The following IPO13 variants were observed in gnomAD, a reference collection of about 807,000 sequenced individuals.
IPO13 encodes importin 13, also known as importin-13.
A neutral mutation model predicts 115.5 loss-of-function variants in IPO13; 28 were observed. The ratio of observed to expected loss-of-function variants is 0.24; its 90% confidence interval spans 0.18 to 0.33. The LOEUF (loss-of-function observed/expected upper bound fraction) is 0.33. IPO13 is among the 10% of genes least tolerant of loss of function. IPO13 has a pLI of 1.00. For missense variants in IPO13, 785 were observed against 1,204.6 expected, an observed-to-expected ratio of 0.65 and a Z score of 5.16; for synonymous variants, 414 against 478.9, an observed-to-expected ratio of 0.86 and a Z score of 1.77.
Position 43,949,792 on chromosome 1 carries a change from G to C in IPO13, c.460G>C (p.Asp154His), listed in dbSNP as rs1271059914. The change falls in exon 2 of 20, where the codon GAC (aspartate) becomes CAC (histidine). Residue 154 changes from aspartate to histidine, a missense_variant. Physicochemically the swap from Asp to His is moderately conservative, Grantham distance 81. Coordinates refer to ENST00000372343, the MANE Select transcript of IPO13 (RefSeq NM_014652.4). The part of the protein sequence containing the change: ...ADMVRLFQAE[D>H]SPVDGQGRCL... ...TATGGTACGACTCTTCCAGGCTGAG[G>C]ACTCACCAGTGGATGGGCAGGGCCG... 6.2e-7 allele frequency: 1 copy of C among 1,614,132 alleles called. No homozygotes were observed. The highest frequency in any genetic ancestry group is 1.7e-5 in the Admixed American group (1 of 60,022).
At chr1:43,947,888 A>G (rs899463785) in intron 1 of IPO13, among the ~76,000 whole-genome samples, 1 of 152,170 alleles carries the variant, frequency 6.6e-6, no homozygotes, top group Admixed American at 6.5e-5. Context: ...TCCCCTGTGG[A>G]TAGATACTCT....
intron 14 of IPO13, among the ~76,000 whole-genome samples, chr1:43,962,909 C>T (rs899120935): frequency 2.6e-5 from 4 of 152,210 alleles, no homozygotes; most frequent in African/African-American, 9.7e-5. Flanking sequence ...CAGAATGAGG[C>T]CAGAATACAG....
rs2085245957 is a variant in IPO13 at position 43,956,119 on chromosome 1, C to G, written c.822-201C>G. Among the ~76,000 whole-genome samples the G allele has an allele frequency of 1.3e-5, 2 of 151,986 alleles. No homozygotes were observed. The highest frequency in any genetic ancestry group is 4.2e-4 in the South Asian group (2 of 4,818). On this transcript the variant is annotated intron_variant, in intron 2 of 19. Transcript: ENST00000372343. This position sits in a 1 kb window ranked among gnomAD's most constrained non-coding sequence, Gnocchi z 4.7. ...CTTCTCATACGTCCTTCTCAGAGTT[C>G]TTCTGGGGGTCCCTGATCTAAGGTT...
Position 43,956,575 on chromosome 1 carries a change from A to G in IPO13, c.978A>G (p.Gln326=). 1 of 1,614,218 alleles carries G rather than the reference A, an allele frequency of 6.2e-7. No homozygotes were observed. The highest frequency in any genetic ancestry group is 8.5e-7 in the Non-Finnish European group (1 of 1,180,040). The part of the protein sequence containing the change: ...GENHSRALLD[Q]VEHWQSFLAL... The stretch of plus-strand genomic sequence containing the variant: ...CTCTCCCCAGGGCCTTGCTGGACCA[A>G]GTAGAGCACTGGCAGAGTTTCCTGG... The change falls in exon 4 of 20, where the codon CAA becomes CAG. Residue 326 remains glutamine, a synonymous_variant. Transcript: ENST00000372343. This position sits in a 1 kb window ranked among gnomAD's most constrained non-coding sequence, Gnocchi z 4.7.
intron 7 of IPO13, 36 bp downstream of exon 7, chr1:43,957,585 G>C: frequency 6.2e-7 from 1 of 1,610,996 alleles, no homozygotes; most frequent in Non-Finnish European, 8.5e-7. Context: ...CATATTCCCA[G>C]AGCCACAGCA....
chr1:43,965,677 G>A (rs1234407601), intron 15 of IPO13, among the ~76,000 whole-genome samples: 2 of 151,552 alleles, frequency 1.3e-5, no homozygotes, highest in African/African-American at 4.9e-5. Flanking sequence ...TGGGGAGAGT[G>A]TGTGTATGTT....
chr1:43,965,407 T>C (rs1366104179), intron 15 of IPO13, among the ~76,000 whole-genome samples: 1 of 151,156 alleles, frequency 6.6e-6, no homozygotes, highest in Non-Finnish European at 1.5e-5. Flanking sequence ...TCCTGGAACT[T>C]ACAAGTCTAG....
rs1459584046 is a variant in IPO13 at position 43,958,968 on chromosome 1, C to T, written c.2028+79C>T. 3.9e-5 allele frequency: 53 copies of T among 1,349,166 alleles called. No homozygotes were observed. The East Asian group carries it at 9.7e-4, about 25-fold the overall frequency. 83.6% of individuals were successfully genotyped at this position (1,349,166 alleles called of 1,614,324 possible). ...CCCACCTGTGGGAATGTCATTGTCACTCTTCAATTCTGTGGGTAATGTTGT... is the reference window on the plus strand; with the variant it reads ...CCCACCTGTGGGAATGTCATTGTCATTCTTCAATTCTGTGGGTAATGTTGT... On this transcript the variant is annotated intron_variant, in intron 11 of 19. Coordinates refer to ENST00000372343, the MANE Select transcript of IPO13 (RefSeq NM_014652.4). This position sits in a 1 kb window ranked among gnomAD's most constrained non-coding sequence, Gnocchi z 6.3.
Position 43,958,950 on chromosome 1 carries a change from G to GGGGGT in IPO13, c.2028+61_2028+62insGGGGT. The stretch of plus-strand genomic sequence containing the variant: ...TTTGCCATCCCCCCAACCCCCACCT[G>GGGGGT]TGGGAATGTCATTGTCACTCTTCAA... On this transcript the variant is annotated intron_variant, in intron 11 of 19. Transcript: ENST00000372343. This position sits in a 1 kb window ranked among gnomAD's most constrained non-coding sequence, Gnocchi z 6.3. 1 of 1,484,624 alleles carries GGGGGT rather than the reference G, an allele frequency of 6.7e-7. No homozygotes were observed. The highest frequency in any genetic ancestry group is 9.3e-7 in the Non-Finnish European group (1 of 1,069,706). 92.0% of individuals were successfully genotyped at this position (1,484,624 alleles called of 1,614,324 possible).
At chr1:43,957,661 C>T (rs1402423076) in intron 7 of IPO13, 112 bp downstream of exon 7, 2 of 1,319,228 alleles carry the variant, frequency 1.5e-6, no homozygotes, top group Non-Finnish European at 1.1e-6. Flanking sequence ...TGCCTACACA[C>T]AATCAGTGTT....
intron 14 of IPO13, among the ~76,000 whole-genome samples, chr1:43,963,344 T>C (rs1329586203): frequency 6.6e-6 from 1 of 152,210 alleles, no homozygotes; most frequent in Admixed American, 6.5e-5. Context: ...CAACATCATA[T>C]ACGTTGGGCT....
Position 43,950,065 on chromosome 1 carries a change from G to C in IPO13, c.733G>C (p.Ala245Pro). Residue 245 changes from alanine (A) to proline (P), a missense_variant, in exon 2 of 20, where the codon GCT (alanine) becomes CCT (proline). Coordinates refer to ENST00000372343, the MANE Select transcript of IPO13 (RefSeq NM_014652.4). ...GCAGGACTGTGAGGCGCTCATTCAG[G>C]CTGCCTTTGCTGCTCTGCAGGACTC... ...PLQDCEALIQAAFAALQDSEL... is the reference protein window; with the variant it reads ...PLQDCEALIQPAFAALQDSEL... 1.9e-6 allele frequency: 3 copies of C among 1,613,854 alleles called. No homozygotes were observed. Among genetic ancestry groups the C allele is most frequent in the South Asian group, 1.1e-5 (1 of 91,066 alleles).
At chr1:43,954,572 C>T (rs548319074) in intron 2 of IPO13, among the ~76,000 whole-genome samples, 7 of 152,252 alleles carry the variant, frequency 4.6e-5, no homozygotes, top group Admixed American at 2.6e-4. Context: ...ATCTGATCCC[C>T]GCTATTAGAG....
Position 43,967,665 on chromosome 1 carries a change from T to C in IPO13, c.2875T>C (p.Tyr959His). ...LLCRGLHGTD[Y>H]TADY The stretch of plus-strand genomic sequence containing the variant: ...GTGCCGGGGTCTCCATGGCACAGAT[T>C]ACACAGCTGACTACTGAGGGGTGCC... Residue 959 changes from tyrosine to histidine, a missense_variant, in exon 20 of 20, where the codon TAC becomes CAC. By Grantham distance (83) the Tyr-to-His change is moderately conservative (BLOSUM62 2). This residue lies in a region of IPO13 where 285 missense variants were observed against 394.8 expected (regional missense o/e 0.72). Coordinates refer to ENST00000372343, the MANE Select transcript of IPO13 (RefSeq NM_014652.4). This position sits in a 1 kb window ranked among gnomAD's most constrained non-coding sequence, Gnocchi z 6.1. 6.2e-7 allele frequency: 1 copy of C among 1,614,146 alleles called. No homozygotes were observed.
At position 43,967,301 on chromosome 1, in the gene IPO13, C is replaced by T. The variant is rs377338763; in HGVS notation, c.2614-14C>T. 1.9e-6 allele frequency: 3 copies of T among 1,608,942 alleles called. No individual in the cohort carries two copies. Among genetic ancestry groups the T allele is most frequent in the Admixed American group, 1.7e-5 (1 of 59,898 alleles). ...GGGCAACACCCTGGTGTGCTGAGAACCCCTCTCCCTCAGGCCATTGGGGGC... is the reference window on the plus strand; with the variant it reads ...GGGCAACACCCTGGTGTGCTGAGAATCCCTCTCCCTCAGGCCATTGGGGGC... On this transcript the variant is annotated splice_polypyrimidine_tract_variant and intron_variant, in intron 18 of 19. Coordinates refer to ENST00000372343, the MANE Select transcript of IPO13 (RefSeq NM_014652.4). The surrounding 1 kb of genome is among the most constrained non-coding windows in gnomAD (Gnocchi z 6.1).
chr1:43,962,657 C>T (rs1175359465), intron 14 of IPO13, among the ~76,000 whole-genome samples: 1 of 152,192 alleles, frequency 6.6e-6, no homozygotes, highest in South Asian at 2.1e-4. Context: ...GTCCTATGCC[C>T]TTTACTGGGT....
In IPO13 at chr1:43,967,028, G is replaced by C. The variant is rs2085330654; in HGVS notation, c.2613+9G>C. On this transcript the variant is annotated intron_variant, in intron 18 of 19. Transcript: ENST00000372343. The surrounding 1 kb of genome is among the most constrained non-coding windows in gnomAD (Gnocchi z 6.1). ...TCATAGCAGTGCTGGAGGTGAGACG[G>C]AGCAAAGGGGGGTTTGATGGGGGTG... 1 of 1,612,984 alleles carries C rather than the reference G, an allele frequency of 6.2e-7. No individual in the cohort carries two copies. The highest frequency in any genetic ancestry group is 8.5e-7 in the Non-Finnish European group (1 of 1,179,316).
In IPO13 at chr1:43,956,335, C is replaced by G; in HGVS notation, c.837C>G (p.Leu279=). 18 of 1,614,208 alleles carry G rather than the reference C, an allele frequency of 1.1e-5. No homozygotes were observed. The highest frequency in any genetic ancestry group is 1.5e-5 in the Non-Finnish European group (18 of 1,180,040). ...QPDAQRYVNT[L]LKLIPLVLGL... ...ATGCCTCTAGGTACGTGAACACACT[C>G]CTGAAACTCATCCCGCTGGTGCTGG... The change falls in exon 3 of 20, where the codon CTC becomes CTG. Residue 279 remains leucine, a synonymous_variant. Transcript: ENST00000372343. The surrounding 1 kb of genome is among the most constrained non-coding windows in gnomAD (Gnocchi z 4.7).
At position 43,961,153 on chromosome 1, in the gene IPO13, T is replaced by C. The variant is rs777183833; in HGVS notation, c.2248-13T>C. The C allele has an allele frequency of 6.2e-7, 1 of 1,612,442 alleles. No individual in the cohort carries two copies. Among genetic ancestry groups the C allele is most frequent in the East Asian group, 2.2e-5 (1 of 44,862 alleles). ...TGGGTCTCAGCTGACCAGCATTCCC[T>C]GCTTTCTCGTAGCTGGTCCACATCT... On this transcript the variant is annotated splice_polypyrimidine_tract_variant and intron_variant, in intron 13 of 19. Transcript: ENST00000372343.
Sources: gnomAD v4.1 joint callset for allele counts (sites outside exome capture counted in the v4.1 genomes callset) on GRCh38, gnomAD v4.1.1 for gene constraint, gnomAD v4.1.1 regional missense constraint, Gnocchi (gnomAD v3.1) non-coding constraint, MANE v1.5 for transcripts, NCBI Gene and HGNC (gene_info 2026-07-23, HGNC 2026-07-21) for gene names.